The following SUGCT variants were observed in gnomAD, a reference collection of about 807,000 sequenced individuals.
The protein encoded by SUGCT is succinyl-CoA:glutarate CoA-transferase.
SUGCT carries 41 observed loss-of-function variants against 55.0 expected under a neutral mutation model. That is an observed-to-expected ratio of 0.74 (90% CI 0.58 to 0.97). The LOEUF (loss-of-function observed/expected upper bound fraction) is 0.97, where lower values mean the gene tolerates loss of function less well. SUGCT is among the 50% of genes least tolerant of loss of function. The pLI, the probability that SUGCT is intolerant of heterozygous loss-of-function variation, is 0.00. For synonymous variants in SUGCT, 187 were observed against 200.4 expected, an observed-to-expected ratio of 0.93 and a Z score of 0.56; for missense variants, 568 against 547.8, an observed-to-expected ratio of 1.04 and a Z score of -0.37.
chr7:40,692,945 G>C (rs1220404204), intron 12 of SUGCT, among the ~76,000 whole-genome samples: 1 of 152,164 alleles, frequency 6.6e-6, no homozygotes, highest in Non-Finnish European at 1.5e-5. Context: ...CTGTTTAAGG[G>C]AAGTTTAGTT....
chr7:40,734,127 G>C (rs1378721841), intron 12 of SUGCT, among the ~76,000 whole-genome samples: 2 of 152,190 alleles, frequency 1.3e-5, no homozygotes, highest in East Asian at 3.9e-4. Flanking sequence ...GAGACAGAGA[G>C]AAAGGTCTCC....
Position 40,671,553 on chromosome 7 carries a change from A to G in SUGCT, c.1090-77881A>G, listed in dbSNP as rs574620122. Among the ~76,000 whole-genome samples the G allele has an allele frequency of 6.6e-5, 10 of 152,348 alleles. 1 individual carries two copies. In the South Asian group the frequency reaches 2.1e-3, roughly 32 times the overall value. On this transcript the variant is annotated intron_variant, in intron 12 of 13. Transcript: ENST00000335693. ...TGTTAAACACATCAAAATCAATTGTATGTCTATATACTAGCAGTGTACATG... is the reference window on the plus strand; with the variant it reads ...TGTTAAACACATCAAAATCAATTGTGTGTCTATATACTAGCAGTGTACATG...
intron 1 of SUGCT, among the ~76,000 whole-genome samples, chr7:40,146,122 A>G (rs534421757): frequency 6.6e-6 from 1 of 150,588 alleles, no homozygotes; most frequent in South Asian, 2.1e-4. Flanking sequence ...TTGACTTAGT[A>G]TAGTTCTGAC....
chr7:40,684,212 A>G (rs1000760668), intron 12 of SUGCT: 43 of 1,494,222 alleles, frequency 2.9e-5, no homozygotes, highest in Non-Finnish European at 3.6e-5. Context: ...CTCCATATCA[A>G]GGTTTGTGAC....
At chr7:40,620,505 G>A (rs541172541) in intron 12 of SUGCT, among the ~76,000 whole-genome samples, 18 of 152,008 alleles carry the variant, frequency 1.2e-4, no homozygotes, top group African/African-American at 4.1e-4. Flanking sequence ...GGGTTCAGGC[G>A]ATTCTCCCTG....
rs1801457194 is a variant in SUGCT, at chr7:40,663,731, C to A, written c.1090-85703C>A. Among the ~76,000 whole-genome samples the A allele has an allele frequency of 2.6e-5, 4 of 152,060 alleles. No homozygotes were observed. In the South Asian group the frequency reaches 8.3e-4, roughly 32 times the overall value. On this transcript the variant is annotated intron_variant, in intron 12 of 13. Transcript: ENST00000335693. ...AAGCGTGCTTCAATTCCACCCAGTCCCATGCACAGGAATTGTGTCTGGTAG... is the reference window on the plus strand; with the variant it reads ...AAGCGTGCTTCAATTCCACCCAGTCACATGCACAGGAATTGTGTCTGGTAG...
At chr7:40,785,668 A>T (rs1321787015) in intron 13 of SUGCT, among the ~76,000 whole-genome samples, 1 of 152,190 alleles carries the variant, frequency 6.6e-6, no homozygotes, top group East Asian at 1.9e-4. Flanking sequence ...AAAGAAAAAA[A>T]GTTAAGGTAT....
At chr7:40,453,629 C>A (rs2151436062) in intron 10 of SUGCT, among the ~76,000 whole-genome samples, 1 of 152,252 alleles carries the variant, frequency 6.6e-6, no homozygotes, top group Non-Finnish European at 1.5e-5. Context: ...GAATCAAAGC[C>A]CACAGAAGGT....
chr7:40,549,812 A>G (rs1490758727), intron 12 of SUGCT, among the ~76,000 whole-genome samples: 1 of 152,222 alleles, frequency 6.6e-6, no homozygotes, highest in East Asian at 1.9e-4. Flanking sequence ...AGCAGAAGAA[A>G]AAGATGAGGG....
At chr7:40,643,888 G>C (rs969163611) in intron 12 of SUGCT, among the ~76,000 whole-genome samples, 5 of 152,180 alleles carry the variant, frequency 3.3e-5, no homozygotes, top group African/African-American at 1.2e-4. Flanking sequence ...CTATGGCTCA[G>C]CCCCCTGGGG....
chr7:40,598,618 G>A (rs1798143035), intron 12 of SUGCT, among the ~76,000 whole-genome samples: 1 of 152,162 alleles, frequency 6.6e-6, no homozygotes, highest in South Asian at 2.1e-4. Flanking sequence ...GAGCATGCAG[G>A]GGTCAAACAT....
chr7:40,882,430 A>G, the SUGCT span, among the ~76,000 whole-genome samples: 1 of 152,156 alleles, frequency 6.6e-6, no homozygotes, highest in Non-Finnish European at 1.5e-5. Flanking sequence ...CTTTTCTCCT[A>G]TGGAAGGCAA....
chr7:41,022,993 T>A, the SUGCT span, among the ~76,000 whole-genome samples: 1 of 152,358 alleles, frequency 6.6e-6, no homozygotes, highest in South Asian at 2.1e-4. Flanking sequence ...ATCTTCATCC[T>A]GGACTCATGA....
intron 11 of SUGCT, among the ~76,000 whole-genome samples, chr7:40,489,259 T>TG (rs1554349680): frequency 2.6e-4 from 39 of 151,742 alleles, no homozygotes; most frequent in African/African-American, 9.2e-4. Flanking sequence ...TTTTTTTTTT[T>TG]GGGGTGGGGT....
At position 40,249,313 on chromosome 7, in the gene SUGCT, CTATATATATATATATATA is replaced by C. The variant is rs57348487; in HGVS notation, c.576+11604_576+11621del. Among the ~76,000 whole-genome samples the C allele has an allele frequency of 1.5e-3, 122 of 79,512 alleles. 9 individuals carry two copies. Among genetic ancestry groups the C allele is most frequent in the Middle Eastern group, 0.014 (2 of 146 alleles). 52.2% of individuals were successfully genotyped at this position (79,512 alleles called of 152,430 possible). A position where few individuals can be genotyped will look rare whatever the true frequency, so the allele number is the denominator to read the frequency against. ...TCTTAAAACAAAAAACACCAAAAAG[CTATATATATATATATATA>C]TATATATATATATATAATTATATTA... is the stretch of plus-strand genomic sequence containing the variant. On this transcript the variant is annotated intron_variant, in intron 7 of 13. Coordinates refer to ENST00000335693, the MANE Select transcript of SUGCT (RefSeq NM_001193313.2).
At chr7:40,830,425 C>T (rs572282053) in intron 13 of SUGCT, among the ~76,000 whole-genome samples, 12 of 152,296 alleles carry the variant, frequency 7.9e-5, no homozygotes, top group Middle Eastern at 6.8e-3. Flanking sequence ...CCCTGAGGAC[C>T]TCCTTGCAAT....
At chr7:40,228,413 G>A (rs1239914328) in intron 6 of SUGCT, among the ~76,000 whole-genome samples, 3 of 151,764 alleles carry the variant, frequency 2.0e-5, no homozygotes, top group Non-Finnish European at 4.4e-5. Flanking sequence ...TTATTCTGTT[G>A]TGTTTTTTGA....
At chr7:40,342,750 A>G (rs1797119129) in intron 9 of SUGCT, among the ~76,000 whole-genome samples, 1 of 151,744 alleles carries the variant, frequency 6.6e-6, no homozygotes, top group Non-Finnish European at 1.5e-5. Context: ...TCAAGATATT[A>G]TCCTGCCTCA....
chr7:40,650,988 G>T (rs1800749018), intron 12 of SUGCT, among the ~76,000 whole-genome samples: 1 of 152,080 alleles, frequency 6.6e-6, no homozygotes. Flanking sequence ...TTCTCATCCT[G>T]CATTAGTTTG....
Sources: gnomAD v4.1 joint callset for allele counts (sites outside exome capture counted in the v4.1 genomes callset) on GRCh38, gnomAD v4.1.1 for gene constraint, MANE v1.5 for transcripts, NCBI Gene and HGNC (gene_info 2026-07-23, HGNC 2026-07-21) for gene names.